CARD8: variants seen among roughly 807,000 people sequenced by gnomAD.
CARD8 encodes caspase recruitment domain-containing protein 8.
In CARD8, 38 loss-of-function variants were observed where a neutral mutation model predicts 53.2. The ratio of observed to expected loss-of-function variants is 0.71; its 90% CI spans 0.55 to 0.94. The LOEUF (loss-of-function observed/expected upper bound fraction) is 0.94, where lower values mean the gene tolerates loss of function less well. Ranked by LOEUF, CARD8 falls within the 40% of genes least tolerant of loss-of-function variation. The pLI, the probability that CARD8 is intolerant of heterozygous loss-of-function variation, is 0.00. For missense variants in CARD8, 561 were observed against 655.5 expected, an observed-to-expected ratio of 0.86 and a Z score of 1.57; for synonymous variants, 245 against 244.9, an observed-to-expected ratio of 1.00 and a Z score of 0.00.
chr19:48,214,589 A>G lies in CARD8; in HGVS notation c.1348+751T>C, dbSNP rs563387841. Among the ~76,000 whole-genome samples the G allele has an allele frequency of 4.6e-5, 7 of 152,136 alleles. No homozygotes were observed. The East Asian group carries it at 7.7e-4, about 17-fold the overall frequency. ...CCCTTCCAAGCCCCTGCGGGCCACT[A>G]TGCAGGCGACCAGCCCACCCCAGGG... On this transcript the variant is annotated intron_variant, in intron 13 of 13. Coordinates refer to ENST00000651546, the MANE Select transcript of CARD8 (RefSeq NM_001184900.3).
intron 6 of CARD8, chr19:48,233,593 T>C: frequency 2.9e-6 from 1 of 342,368 alleles, no homozygotes; most frequent in Non-Finnish European, 5.7e-6. Flanking sequence ...TTTTATATTC[T>C]CTTTCCTGGT....
intron 10 of CARD8, among the ~76,000 whole-genome samples, chr19:48,223,269 A>G (rs898669766): frequency 5.3e-5 from 8 of 151,352 alleles, no homozygotes; most frequent in Non-Finnish European, 1.0e-4. Flanking sequence ...GCACCACTGT[A>G]CTCCAGCCTG....
At chr19:48,243,232 C>T (rs2045522129) in intron 3 of CARD8, among the ~76,000 whole-genome samples, 1 of 152,094 alleles carries the variant, frequency 6.6e-6, no homozygotes, top group African/African-American at 2.4e-5. Flanking sequence ...CCAGGATGGT[C>T]TCGATCTCCT....
At chr19:48,242,485 C>A (rs559835933) in intron 3 of CARD8, 4 of 152,300 alleles carry the variant, frequency 2.6e-5, no homozygotes, top group Admixed American at 6.5e-5. Flanking sequence ...GTGATGGATT[C>A]TTTCACTTCC....
intron 3 of CARD8, among the ~76,000 whole-genome samples, chr19:48,247,941 C>A (rs1479788251): frequency 6.6e-6 from 1 of 151,770 alleles, no homozygotes; most frequent in East Asian, 1.9e-4. Flanking sequence ...ATTCAGTTAC[C>A]ACTCATCAAA....
At chr19:48,240,382 T>C (rs2044750383) in intron 4 of CARD8, among the ~76,000 whole-genome samples, 1 of 152,000 alleles carries the variant, frequency 6.6e-6, no homozygotes, top group African/African-American at 2.4e-5. Flanking sequence ...TAGACTCGCT[T>C]TTGCTCAGGT....
chr19:48,248,463 A>T (rs1325850874), intron 3 of CARD8, among the ~76,000 whole-genome samples: 1 of 152,272 alleles, frequency 6.6e-6, no homozygotes, highest in African/African-American at 2.4e-5. Flanking sequence ...AATCAAAAGG[A>T]TAAAACACAA....
intron 10 of CARD8, among the ~76,000 whole-genome samples, chr19:48,229,811 C>G (rs1327300869): frequency 6.6e-6 from 1 of 152,120 alleles, no homozygotes; most frequent in Non-Finnish European, 1.5e-5. Flanking sequence ...CACATATTAT[C>G]CATTTAAAAT....
chr19:48,228,330 C>T (rs1723639605), intron 10 of CARD8, among the ~76,000 whole-genome samples: 1 of 152,152 alleles, frequency 6.6e-6, no homozygotes, highest in Admixed American at 6.5e-5. Flanking sequence ...CATTCACCAC[C>T]CTGGTCTGTG....
intron 10 of CARD8, among the ~76,000 whole-genome samples, chr19:48,230,126 A>C (rs901436912): frequency 6.6e-6 from 1 of 152,058 alleles, no homozygotes; most frequent in African/African-American, 2.4e-5. Flanking sequence ...AAAAAGAAAA[A>C]AACAACCTGG....
chr19:48,248,304 C>T (rs1176540149), intron 3 of CARD8, among the ~76,000 whole-genome samples: 1 of 152,100 alleles, frequency 6.6e-6, no homozygotes, highest in Non-Finnish European at 1.5e-5. Flanking sequence ...CACTTGGGTC[C>T]AAATGGCTGA....
At chr19:48,251,857 G>A (rs1043340726) in intron 1 of CARD8, among the ~76,000 whole-genome samples, 2 of 152,118 alleles carry the variant, frequency 1.3e-5, no homozygotes, top group Non-Finnish European at 2.9e-5. Context: ...CCGGCGGAGA[G>A]CCCAGCGTCT....
chr19:48,221,655 G>A, intron 11 of CARD8, 75 bp downstream of exon 11: 1 of 1,101,546 alleles, frequency 9.1e-7, no homozygotes, highest in East Asian at 2.5e-5. Context: ...GTTGCATTTT[G>A]CTAAGATTCT....
chr19:48,240,292 G>A (rs769208100), intron 4 of CARD8, among the ~76,000 whole-genome samples: 22 of 152,146 alleles, frequency 1.4e-4, no homozygotes, highest in Non-Finnish European at 5.9e-5. Flanking sequence ...CTCTGATCTG[G>A]GCGCCATGCT....
intron 5 of CARD8, among the ~76,000 whole-genome samples, chr19:48,236,773 T>C (rs1250529185): frequency 6.6e-6 from 1 of 151,974 alleles, no homozygotes; most frequent in Non-Finnish European, 1.5e-5. Flanking sequence ...TCATTCTGGT[T>C]TTTTTGTTTT....
chr19:48,216,903 C>T (rs10409426), intron 12 of CARD8, among the ~76,000 whole-genome samples: 129,213 of 152,056 alleles, frequency 0.85, 55,223 homozygotes, highest in South Asian at 0.91. Flanking sequence ...AATGAAATAA[C>T]TATACAAACA....
chr19:48,234,942 G>T (rs1188739855), intron 5 of CARD8, among the ~76,000 whole-genome samples: 1 of 152,110 alleles, frequency 6.6e-6, no homozygotes, highest in Non-Finnish European at 1.5e-5. Context: ...CATAATTGGT[G>T]CCCGAGAGAA....
At chr19:48,203,822 G>A (rs946883285), downstream of CARD8, 17 of 211,098 alleles carry the variant, frequency 8.1e-5, no homozygotes, top group South Asian at 1.6e-4. Flanking sequence ...GAAGATCCCA[G>A]CTTCCTTAAC....
intron 11 of CARD8, among the ~76,000 whole-genome samples, chr19:48,219,745 C>T (rs1453358687): frequency 2.6e-5 from 4 of 151,948 alleles, no homozygotes; most frequent in Admixed American, 6.6e-5. Context: ...CTGAGGTGAC[C>T]GATTGCTTGA....
Sources: allele counts gnomAD v4.1 joint callset (sites outside exome capture counted in the v4.1 genomes callset), GRCh38; gene constraint gnomAD v4.1.1; transcripts MANE v1.5; gene names NCBI Gene and HGNC (gene_info 2026-07-23, HGNC 2026-07-21).